RBL2: variants seen among roughly 807,000 people sequenced by gnomAD.
The protein encoded by RBL2 is RB transcriptional corepressor like 2.
RBL2 carries 56 observed loss-of-function variants against 126.0 expected under a neutral mutation model. The observed-to-expected ratio is 0.44, with a 90% CI of 0.36 to 0.56. The LOEUF (loss-of-function observed/expected upper bound fraction) is 0.56. RBL2 is among the 20% of genes least tolerant of loss of function. The pLI is 0.00. For synonymous variants in RBL2, 454 were observed against 478.5 expected (o/e 0.95, Z 0.67); for missense variants, 1,229 against 1,398.2 (o/e 0.88, Z 1.93).
At chr16:53,472,276 C>T (rs1438230729) in intron 17 of RBL2, among the ~76,000 whole-genome samples, 2 of 152,166 alleles carry the variant, frequency 1.3e-5, no homozygotes, top group East Asian at 1.9e-4. Flanking sequence ...TGAGTTTATT[C>T]CTAGGAGTGG....
chr16:53,483,729 A>G (rs1961045813), intron 21 of RBL2, among the ~76,000 whole-genome samples: 18 of 152,084 alleles, frequency 1.2e-4, no homozygotes, highest in Admixed American at 1.2e-3. Flanking sequence ...CATCTCTGCT[A>G]AAAGTACAAA....
intron 14 of RBL2, among the ~76,000 whole-genome samples, chr16:53,467,711 C>A (rs559491703): frequency 6.6e-6 from 1 of 152,126 alleles, no homozygotes; most frequent in Non-Finnish European, 1.5e-5. Context: ...TTAATATGAT[C>A]CCTATTTTTA....
chr16:53,455,658 G>A (rs2058160161), intron 8 of RBL2, among the ~76,000 whole-genome samples: 1 of 151,668 alleles, frequency 6.6e-6, no homozygotes, highest in Non-Finnish European at 1.5e-5. Context: ...GAGGGGAGGG[G>A]AGAATGGGAT....
chr16:53,483,733 G>A (rs936623511), intron 21 of RBL2, among the ~76,000 whole-genome samples: 1 of 151,860 alleles, frequency 6.6e-6, no homozygotes, highest in Non-Finnish European at 1.5e-5. Flanking sequence ...TCTGCTAAAA[G>A]TACAAAAAAA....
At position 53,480,739 on chromosome 16, in the gene RBL2, G is replaced by A; in HGVS notation, c.3054G>A (p.Lys1018=). Residue 1018 remains lysine (K), a synonymous_variant, in exon 20 of 22, where the codon AAG becomes AAA. Coordinates refer to ENST00000262133, the MANE Select transcript of RBL2 (RefSeq NM_005611.4). ...ACAACATCTACATCAAACAGATTAA[G>A]ACATTTGCCATGAAGTACTCACAGG... The part of the protein sequence containing the change: ...FYNNIYIKQI[K]TFAMKYSQAN... 4 of 1,613,116 alleles carry A rather than the reference G, an allele frequency of 2.5e-6. No individual in the cohort carries two copies. The highest frequency in any genetic ancestry group is 3.4e-6 in the Non-Finnish European group (4 of 1,179,936).
intron 1 of RBL2, 139 bp downstream of exon 1, chr16:53,434,935 T>A (rs2057941759): frequency 7.7e-7 from 1 of 1,297,466 alleles, no homozygotes; most frequent in African/African-American, 1.6e-5. Flanking sequence ...TCCTCTGCGC[T>A]ATTCCGAGGC....
At chr16:53,478,029 C>T (rs973093565) in intron 17 of RBL2, among the ~76,000 whole-genome samples, 12 of 152,064 alleles carry the variant, frequency 7.9e-5, no homozygotes, top group Non-Finnish European at 1.6e-4. Context: ...TTTATTTTAC[C>T]TTCATTTCTG....
At chr16:53,457,362 C>T (rs1293541498) in intron 8 of RBL2, among the ~76,000 whole-genome samples, 3 of 148,666 alleles carry the variant, frequency 2.0e-5, no homozygotes, top group East Asian at 3.9e-4. Context: ...TGGGTTCAAG[C>T]GATTCTCCTG....
At chr16:53,469,808 A>G (rs532823766) in intron 14 of RBL2, 108 bp from the exon 15 acceptor site, 2 of 1,258,318 alleles carry the variant, frequency 1.6e-6, no homozygotes, top group African/African-American at 3.0e-5. Context: ...TTTTTGAATT[A>G]TGAAGTATTT....
rs370916654 is a variant in RBL2, at chr16:53,454,826, A to G, written c.1163A>G (p.Gln388Arg). ...AERVQMKNIL[Q>R]QHFDKSKALR... Reference sequence around the variant, plus strand: ...AGGGTGCAGATGAAAAACATCTTACAGCAGCATTTTGACAAGGTGAGTTTA... The same window carrying G: ...AGGGTGCAGATGAAAAACATCTTACGGCAGCATTTTGACAAGGTGAGTTTA... Residue 388 changes from glutamine to arginine, a missense_variant, in exon 8 of 22, where the codon CAG becomes CGG. Around this residue, in one of 2 missense-constraint regions of RBL2, gnomAD observed 1,070 missense variants for 1,274.3 expected, o/e 0.84. Transcript: ENST00000262133. 19 of 1,609,932 alleles carry G rather than the reference A, an allele frequency of 1.2e-5. No individual in the cohort carries two copies. In the African/African-American group the frequency reaches 2.5e-4, roughly 22 times the overall value.
At position 53,454,674 on chromosome 16, in the gene RBL2, C is replaced by T. The variant is rs771090785; in HGVS notation, c.1011C>T (p.Ala337=). The part of the protein sequence containing the change: ...FGESFKAINK[A]YEEYVLSVGN... ...CCTATAGTAAAGCCATCAATAAGGC[C>T]TATGAGGAGTATGTTTTATCTGTTG... The change falls in exon 8 of 22, where the codon GCC becomes GCT. Residue 337 remains alanine, a synonymous_variant. Coordinates refer to ENST00000262133, the MANE Select transcript of RBL2 (RefSeq NM_005611.4). The T allele has an allele frequency of 1.9e-6, 3 of 1,613,118 alleles. No homozygotes were observed. The highest frequency in any genetic ancestry group is 1.7e-6 in the Non-Finnish European group (2 of 1,179,246).
intron 21 of RBL2, chr16:53,489,347 T>C (rs1961305233): frequency 6.6e-6 from 1 of 152,186 alleles, no homozygotes; most frequent in Admixed American, 6.5e-5. Context: ...ATAATAGATA[T>C]CTGTGAATTT....
At position 53,469,977 on chromosome 16, in the gene RBL2, A is replaced by G. The variant is rs772604698; in HGVS notation, c.2037A>G (p.Arg679=). The G allele has an allele frequency of 3.1e-6, 5 of 1,613,884 alleles. No homozygotes were observed. The highest frequency in any genetic ancestry group is 1.7e-5 in the Admixed American group (1 of 59,998). Residue 679 remains arginine, a synonymous_variant, in exon 15 of 22, where the codon AGA becomes AGG. Coordinates refer to ENST00000262133, the MANE Select transcript of RBL2 (RefSeq NM_005611.4). Reference sequence around the variant, plus strand: ...GCTCCCCACCAGCCAGCACTACCAGAAGGCGGCTATTTGTTGAGAATGATA... The same window carrying G: ...GCTCCCCACCAGCCAGCACTACCAGGAGGCGGCTATTTGTTGAGAATGATA... ...RYSSPPASTT[R]RRLFVENDSP...
At chr16:53,476,317 ACT>A (rs754538053) in intron 17 of RBL2, among the ~76,000 whole-genome samples, 2 of 152,140 alleles carry the variant, frequency 1.3e-5, no homozygotes, top group Non-Finnish European at 2.9e-5. Context: ...CAAATTTGTT[ACT>A]GATTTCTACT....
chr16:53,474,865 A>C (rs559042771), intron 17 of RBL2, among the ~76,000 whole-genome samples: 55 of 151,946 alleles, frequency 3.6e-4, no homozygotes, highest in Middle Eastern at 6.8e-3. Context: ...TTTAGGTATT[A>C]TATTTTTTCC....
Position 53,442,707 on chromosome 16 carries a change from C to G in RBL2, c.421C>G (p.Leu141Val). 1 of 1,613,866 alleles carries G rather than the reference C, an allele frequency of 6.2e-7. No individual in the cohort carries two copies. ...KMKKWEDMAN[L>V]PPHFRERTER... ...GAAGAAGTGGGAAGACATGGCAAAT[C>G]TACCCCCACATTTCAGAGAACGTAC... Residue 141 changes from leucine (L) to valine (V), a missense_variant, in exon 3 of 22, where the codon CTA (leucine) becomes GTA (valine). Physicochemically the swap from Leu to Val is conservative, Grantham distance 32. This residue lies in a region of RBL2 where 1,070 missense variants were observed against 1,274.3 expected (regional missense o/e 0.84). Coordinates refer to ENST00000262133, the MANE Select transcript of RBL2 (RefSeq NM_005611.4).
chr16:53,469,844 TAAG>T (rs2058304113), intron 14 of RBL2, 69 bp from the exon 15 acceptor site: 2 of 1,446,112 alleles, frequency 1.4e-6, no homozygotes, highest in Non-Finnish European at 1.8e-6. Flanking sequence ...TTTTTTAACA[TAAG>T]AGCTTGGACG....
In RBL2 at chr16:53,490,838, G is replaced by A. The variant is rs2150837813; in HGVS notation, c.*538G>A. 6.5e-6 allele frequency: 1 copy of A among 152,704 alleles called. No homozygotes were observed. The highest frequency in any genetic ancestry group is 2.4e-5 in the African/African-American group (1 of 41,538). 9.5% of individuals were successfully genotyped at this position (152,704 alleles called of 1,614,324 possible). A position where few individuals can be genotyped will look rare whatever the true frequency, so the allele number is the denominator to read the frequency against. ...TTAGCCCTCGTCTCCCGTTCCCTTT[G>A]TGCACATCTTCCCTCTCCCCATTCG... On this transcript the variant is annotated 3_prime_UTR_variant, in exon 22 of 22. Transcript: ENST00000262133.
chr16:53,446,945 A>C (rs1351674396), intron 3 of RBL2, 97 bp from the exon 4 acceptor site: 1 of 623,870 alleles, frequency 1.6e-6, no homozygotes, highest in Non-Finnish European at 2.6e-6. Context: ...TCTCCCTTTA[A>C]CTGTGGGTTT....
Sources: gnomAD v4.1 joint callset for allele counts (sites outside exome capture counted in the v4.1 genomes callset) on GRCh38, gnomAD v4.1.1 for gene constraint, gnomAD v4.1.1 regional missense constraint, MANE v1.5 for transcripts, NCBI Gene and HGNC (gene_info 2026-07-23, HGNC 2026-07-21) for gene names.